Variants in CORO2B observed in about 807,000 individuals in gnomAD.
CORO2B encodes coronin 2B.
A neutral mutation model predicts 58.8 loss-of-function variants in CORO2B; 26 were observed. The ratio of observed to expected loss-of-function variants is 0.44; its 90% CI spans 0.32 to 0.61. CORO2B has a LOEUF of 0.61. CORO2B is among the 20% of genes least tolerant of loss of function. The pLI is 0.04. For synonymous variants in CORO2B, 242 were observed against 253.8 expected, an observed-to-expected ratio of 0.95 and a Z score of 0.44; for missense variants, 460 against 645.1, an observed-to-expected ratio of 0.71 and a Z score of 3.11.
chr15:68,599,954 C>T (rs941395966), intron 1 of CORO2B, among the ~76,000 whole-genome samples: 3 of 152,202 alleles, frequency 2.0e-5, no homozygotes, highest in African/African-American at 7.2e-5. Context: ...AGGCATGCCC[C>T]TCCCACCCCT....
chr15:68,634,079 A>G (rs1048235160), intron 1 of CORO2B, among the ~76,000 whole-genome samples: 2 of 152,244 alleles, frequency 1.3e-5, no homozygotes, highest in African/African-American at 2.4e-5. Flanking sequence ...GGCCTGGACT[A>G]TGAAACAGCC....
At chr15:68,540,880 A>G in the CORO2B span, among the ~76,000 whole-genome samples, 1 of 152,210 alleles carries the variant, frequency 6.6e-6, no homozygotes, top group African/African-American at 2.4e-5. Flanking sequence ...CTGTACCATC[A>G]GTACACATTT....
chr15:68,681,763 G>A (rs1340955928), intron 2 of CORO2B, among the ~76,000 whole-genome samples: 2 of 152,156 alleles, frequency 1.3e-5, no homozygotes, highest in African/African-American at 4.8e-5. Context: ...CACTGGCTGA[G>A]TGGCCCAAAT....
intron 1 of CORO2B, among the ~76,000 whole-genome samples, chr15:68,607,639 G>A (rs925674227): frequency 6.6e-6 from 1 of 151,980 alleles, no homozygotes; most frequent in Admixed American, 6.6e-5. Context: ...GTGACATAGC[G>A]AGAACCCATC....
chr15:68,540,574 T>C, the CORO2B span, among the ~76,000 whole-genome samples: 5 of 152,364 alleles, frequency 3.3e-5, no homozygotes, highest in Admixed American at 6.5e-5. Flanking sequence ...GTCCCTTTCA[T>C]TTAAACAATC....
the CORO2B span, among the ~76,000 whole-genome samples, chr15:68,527,680 C>T: frequency 6.6e-6 from 1 of 152,162 alleles, no homozygotes; most frequent in African/African-American, 2.4e-5. Flanking sequence ...TTACACTAAG[C>T]TTGACAATTA....
At chr15:68,692,990 T>G (rs1373875786) in intron 2 of CORO2B, among the ~76,000 whole-genome samples, 1 of 152,162 alleles carries the variant, frequency 6.6e-6, no homozygotes, top group Non-Finnish European at 1.5e-5. Flanking sequence ...CAAACCTAAC[T>G]GCATCTTTCA....
At chr15:68,522,088 C>A in the CORO2B span, among the ~76,000 whole-genome samples, 10 of 152,112 alleles carry the variant, frequency 6.6e-5, no homozygotes, top group Non-Finnish European at 1.5e-4. Context: ...GGATTGCAGG[C>A]GTGACCCACC....
chr15:68,718,833 C>T, intron 9 of CORO2B, 23 bp downstream of exon 9: 3 of 1,586,578 alleles, frequency 1.9e-6, no homozygotes, highest in South Asian at 1.1e-5. Flanking sequence ...GGGCTGGGCT[C>T]CAGGAGGGGG....
At chr15:68,570,230 TC>T in the CORO2B span, among the ~76,000 whole-genome samples, 1 of 152,210 alleles carries the variant, frequency 6.6e-6, no homozygotes, top group African/African-American at 2.4e-5. Flanking sequence ...TCATATAGCC[TC>T]TTCCAGCCTA....
intron 2 of CORO2B, among the ~76,000 whole-genome samples, chr15:68,683,442 T>C (rs1457824908): frequency 1.3e-5 from 2 of 152,324 alleles, no homozygotes; most frequent in Middle Eastern, 3.4e-3. Flanking sequence ...GCAAGCACTG[T>C]CCTTTTCTTT....
At chr15:68,713,858 C>G (rs1045338405) in intron 5 of CORO2B, 67 bp from the exon 6 acceptor site, 188 of 1,051,382 alleles carry the variant, frequency 1.8e-4, no homozygotes, top group Non-Finnish European at 2.7e-4. Context: ...TCGGGACCAC[C>G]ATTCATGCCA....
chr15:68,698,543 A>G (rs1892567705), intron 3 of CORO2B, among the ~76,000 whole-genome samples: 1 of 152,218 alleles, frequency 6.6e-6, no homozygotes, highest in Non-Finnish European at 1.5e-5. Context: ...ATGAGCCAAG[A>G]GACTCTGTTC....
At chr15:68,609,929 A>G (rs1200199464) in intron 1 of CORO2B, among the ~76,000 whole-genome samples, 1 of 152,092 alleles carries the variant, frequency 6.6e-6, no homozygotes, top group African/African-American at 2.4e-5. Flanking sequence ...AATCATCCAC[A>G]TTGGCCAGCT....
intron 1 of CORO2B, among the ~76,000 whole-genome samples, chr15:68,635,595 G>C (rs534210955): frequency 2.6e-5 from 4 of 152,324 alleles, no homozygotes; most frequent in Admixed American, 2.6e-4. Flanking sequence ...TATGAAATGA[G>C]AGGCTGGATT....
intron 3 of CORO2B, among the ~76,000 whole-genome samples, chr15:68,707,735 C>T (rs143301326): frequency 5.9e-5 from 9 of 152,312 alleles, no homozygotes; most frequent in African/African-American, 2.2e-4. Flanking sequence ...GCATTAGTCT[C>T]CCAGCTTCAG....
the CORO2B span, among the ~76,000 whole-genome samples, chr15:68,564,823 G>T: frequency 2.0e-5 from 3 of 152,170 alleles, 1 homozygote; most frequent in South Asian, 2.1e-4. Context: ...ACTTCAGAAG[G>T]TGCTTCCCAA....
chr15:68,640,284 T>G (rs1267215895), intron 1 of CORO2B, among the ~76,000 whole-genome samples: 1 of 152,098 alleles, frequency 6.6e-6, no homozygotes, highest in Non-Finnish European at 1.5e-5. Context: ...GCTCACACAT[T>G]CCCCCTGCCC....
At chr15:68,649,758 G>A (rs188274585) in intron 2 of CORO2B, among the ~76,000 whole-genome samples, 2 of 152,186 alleles carry the variant, frequency 1.3e-5, no homozygotes, top group East Asian at 3.9e-4. Flanking sequence ...AAGTTAATGA[G>A]AAGAATGGCA....
Sources: gnomAD v4.1 joint callset for allele counts (sites outside exome capture counted in the v4.1 genomes callset) on GRCh38, gnomAD v4.1.1 for gene constraint, MANE v1.5 for transcripts, NCBI Gene and HGNC (gene_info 2026-07-23, HGNC 2026-07-21) for gene names.